PDE4C: variants seen among roughly 807,000 people sequenced by gnomAD.
The protein encoded by PDE4C is 3',5'-cyclic-AMP phosphodiesterase 4C.
PDE4C carries 50 observed loss-of-function variants against 63.9 expected under a neutral mutation model. The ratio of observed to expected loss-of-function variants is 0.78; its 90% CI spans 0.62 to 0.99. PDE4C has a LOEUF of 0.99. PDE4C is among the 50% of genes least tolerant of loss of function. PDE4C has a pLI of 0.00. For synonymous variants in PDE4C, 377 were observed against 385.1 expected (o/e 0.98, Z 0.25); for missense variants, 777 against 899.1 (o/e 0.86, Z 1.74).
At chr19:18,236,443 G>A (rs537843490), upstream of PDE4C, among the ~76,000 whole-genome samples, 24 of 151,980 alleles carry the variant, frequency 1.6e-4, no homozygotes, top group Admixed American at 3.3e-4. Context: ...GGCTGGTCTC[G>A]AACTCCCGAT....
intron 2 of PDE4C, 47 bp downstream of exon 2, chr19:18,222,085 A>C: frequency 6.6e-7 from 1 of 1,508,258 alleles, no homozygotes; most frequent in Non-Finnish European, 9.1e-7. Flanking sequence ...GGAACAAAGG[A>C]AGGAGGGAGG....
At chr19:18,221,140 C>A (rs1179874582) in exon 4 of PDE4C, 3 of 1,587,032 alleles carry the variant, frequency 1.9e-6, no homozygotes, top group Non-Finnish European at 1.7e-6. Context: ...GGGCAAGGGC[C>A]GCCACGTTGC....
Position 18,220,931 on chromosome 19 carries a change from A to T in PDE4C, c.450-8T>A, listed in dbSNP as rs1279142962. ...TTTCCGACGGGTCCCTGCCTGCGGT[A>T]CAGCAGCCTCAGGCGTGGCTGCTCC... On this transcript the variant is annotated splice_polypyrimidine_tract_variant and splice_region_variant and intron_variant, in intron 4 of 14. Coordinates refer to ENST00000262805, the Ensembl canonical transcript of PDE4C. This position sits in a 1 kb window ranked among gnomAD's most constrained non-coding sequence, Gnocchi z 5.1. The T allele has an allele frequency of 6.2e-7, 1 of 1,600,902 alleles. No individual in the cohort carries two copies. Among genetic ancestry groups the T allele is most frequent in the Non-Finnish European group, 8.5e-7 (1 of 1,175,392 alleles).
exon 1 of PDE4C, chr19:18,226,308 G>T (rs1239734650): frequency 1.3e-6 from 2 of 1,569,590 alleles, no homozygotes; most frequent in Non-Finnish European, 1.7e-6. Context: ...GCTGCAGGCG[G>T]ATGCTCTGAT....
chr19:18,221,378 G>T lies in PDE4C; in HGVS notation c.339-81C>A, dbSNP rs1054818931. 29 of 1,379,760 alleles carry T rather than the reference G, an allele frequency of 2.1e-5. 1 individual carries two copies. The highest frequency in any genetic ancestry group is 3.9e-6 in the Non-Finnish European group (4 of 1,014,934). 85.5% of individuals were successfully genotyped at this position (1,379,760 alleles called of 1,614,324 possible). ...CACACCATATGCCCTCAACTGAGGGGGTCCTGCTCTCAGGACTTCTCCTCC... is the reference window on the plus strand; with the variant it reads ...CACACCATATGCCCTCAACTGAGGGTGTCCTGCTCTCAGGACTTCTCCTCC... On this transcript the variant is annotated intron_variant, in intron 2 of 14. Transcript: ENST00000262805.
At chr19:18,255,296 G>A in the PDE4C span, 4 of 399,242 alleles carry the variant, frequency 1.0e-5, no homozygotes, top group Non-Finnish European at 1.8e-5. This position sits in a 1 kb window ranked among gnomAD's most constrained non-coding sequence, Gnocchi z 4.6. Flanking sequence ...GCGGCAGCTG[G>A]GGGCACGCCA....
intron 1 of PDE4C, chr19:18,224,230 G>A: frequency 1.0e-6 from 1 of 985,546 alleles, no homozygotes; most frequent in Non-Finnish European, 1.2e-6. Flanking sequence ...AGAGAAGGCG[G>A]TGACCTGGGG....
At chr19:18,254,169 G>A in the PDE4C span, among the ~76,000 whole-genome samples, 1 of 152,198 alleles carries the variant, frequency 6.6e-6, no homozygotes, top group African/African-American at 2.4e-5. Flanking sequence ...GAGTAGCAGA[G>A]GGTCTGGCCT....
intron 1 of PDE4C, among the ~76,000 whole-genome samples, chr19:18,224,881 G>A (rs995973149): frequency 2.6e-5 from 4 of 152,332 alleles, no homozygotes; most frequent in African/African-American, 9.6e-5. Context: ...TGGAGGCGGC[G>A]GATAACCCAG....
upstream of PDE4C, among the ~76,000 whole-genome samples, chr19:18,227,650 G>A (rs915274159): frequency 2.0e-5 from 3 of 152,292 alleles, no homozygotes; most frequent in East Asian, 1.9e-4. Context: ...CACACAAGGA[G>A]GAGGGACCTA....
intron 1 of PDE4C, chr19:18,224,503 G>C: frequency 2.0e-6 from 2 of 985,496 alleles, no homozygotes; most frequent in Non-Finnish European, 2.4e-6. Flanking sequence ...ATTGGACTTG[G>C]TCACGAAGAG....
intron 1 of PDE4C, chr19:18,224,269 C>T: frequency 8.1e-6 from 8 of 985,476 alleles, no homozygotes; most frequent in Middle Eastern, 5.2e-4. Context: ...CAGGCGGAAG[C>T]GGCACCGACA....
chr19:18,251,280 C>T (rs898394989), upstream of PDE4C, among the ~76,000 whole-genome samples: 1 of 151,644 alleles, frequency 6.6e-6, no homozygotes, highest in African/African-American at 2.4e-5. Context: ...CGCCCGCCAC[C>T]ATGCCTGGCT....
In PDE4C at chr19:18,220,799, T is replaced by G. The variant is rs750208819; in HGVS notation, c.499+75A>C. 2.8e-5 allele frequency: 40 copies of G among 1,428,206 alleles called. No individual in the cohort carries two copies. Among genetic ancestry groups the G allele is most frequent in the Middle Eastern group, 3.5e-4 (2 of 5,676 alleles). 88.5% of individuals were successfully genotyped at this position (1,428,206 alleles called of 1,614,324 possible). A position where few individuals can be genotyped will look rare whatever the true frequency, so the allele number is the denominator to read the frequency against. ...AATTAGCCCCAGTATAAGGGGCTCA[T>G]GGACTGGGGAGGTCACTATGGAAAG... On this transcript the variant is annotated intron_variant, in intron 5 of 14. Transcript: ENST00000262805. The surrounding 1 kb of genome is among the most constrained non-coding windows in gnomAD (Gnocchi z 5.1).
intron 1 of PDE4C, among the ~76,000 whole-genome samples, chr19:18,225,261 C>G (rs1024851909): frequency 6.6e-6 from 1 of 152,144 alleles, no homozygotes; most frequent in Non-Finnish European, 1.5e-5. Context: ...CTGGCCTGCG[C>G]GGGGCCGGCC....
upstream of PDE4C, among the ~76,000 whole-genome samples, chr19:18,234,684 T>C (rs916851335): frequency 9.2e-5 from 14 of 152,052 alleles, no homozygotes; most frequent in African/African-American, 3.4e-4. Context: ...GCCCCGATGT[T>C]TTTGGAAGTC....
At chr19:18,230,224 G>A (rs755474849), upstream of PDE4C, among the ~76,000 whole-genome samples, 3 of 152,192 alleles carry the variant, frequency 2.0e-5, no homozygotes, top group Non-Finnish European at 1.5e-5. Flanking sequence ...TGCTTGTAGC[G>A]GCTGGGTGTG....
At chr19:18,210,912 T>C (rs752244301) in exon 15 of PDE4C, 4 of 1,573,870 alleles carry the variant, frequency 2.5e-6, no homozygotes, top group Non-Finnish European at 3.5e-6. Flanking sequence ...GCCCCTGCAG[T>C]TCACGCAGGG....
Position 18,218,904 on chromosome 19 carries a change from G to C in PDE4C, c.969+36C>G, listed in dbSNP as rs535080857. 2.6e-5 allele frequency: 37 copies of C among 1,436,720 alleles called. 1 individual carries two copies. In the East Asian group the frequency reaches 7.2e-4, roughly 28 times the overall value. 89.0% of individuals were successfully genotyped at this position (1,436,720 alleles called of 1,614,324 possible). A position where few individuals can be genotyped will look rare whatever the true frequency, so the allele number is the denominator to read the frequency against. Reference sequence around the variant, plus strand: ...TAGGAAGCAGTGAGGGAAACCCCAGGAGTTTTTCCTTGGAAGCCAAGGGCA... The same window carrying C: ...TAGGAAGCAGTGAGGGAAACCCCAGCAGTTTTTCCTTGGAAGCCAAGGGCA... On this transcript the variant is annotated intron_variant, in intron 9 of 14. Coordinates refer to ENST00000262805, the Ensembl canonical transcript of PDE4C.
Sources: allele counts gnomAD v4.1 joint callset (sites outside exome capture counted in the v4.1 genomes callset), GRCh38; gene constraint gnomAD v4.1.1; non-coding constraint Gnocchi (gnomAD v3.1); transcripts MANE v1.5; gene names NCBI Gene and HGNC (gene_info 2026-07-23, HGNC 2026-07-21).